The following RDH12 variants were observed in gnomAD, a reference collection of about 807,000 sequenced individuals.
RDH12 encodes retinol dehydrogenase 12.
A neutral mutation model predicts 34.0 loss-of-function variants in RDH12; 21 were observed. That is an observed-to-expected ratio of 0.62 (90% CI 0.44 to 0.89). The LOEUF is 0.89. RDH12 is among the 40% of genes least tolerant of loss of function. The pLI is 0.00. For missense variants in RDH12, 394 were observed against 398.6 expected, an observed-to-expected ratio of 0.99 and a Z score of 0.10; for synonymous variants, 198 against 169.9, an observed-to-expected ratio of 1.17 and a Z score of -1.29.
rs751589863 is a variant in RDH12, at chr14:67,729,247, C to A, written c.715C>A (p.Arg239=). 3 of 1,609,924 alleles carry A rather than the reference C, an allele frequency of 1.9e-6. No homozygotes were observed. The highest frequency in any genetic ancestry group is 2.7e-5 in the African/African-American group (2 of 74,904). Residue 239 remains arginine, a synonymous_variant, in exon 8 of 9, where the codon CGG becomes AGG. Transcript: ENST00000551171. ...AGGCGTCGTCCGCTCTGAGCTGGTC[C>A]GGCACTCCTCCCTGCTCTGCCTGCT... The part of the protein sequence containing the change: ...HPGVVRSELV[R]HSSLLCLLWR...
At chr14:67,711,016 A>G (rs956080553) in intron 1 of RDH12, among the ~76,000 whole-genome samples, 1 of 152,194 alleles carries the variant, frequency 6.6e-6, no homozygotes, top group African/African-American at 2.4e-5. Context: ...CTTGCTTTTA[A>G]CCTTCAAACT....
intron 8 of RDH12, among the ~76,000 whole-genome samples, chr14:67,731,207 CTTTTTTTTTTTTT>C (rs71129853): frequency 2.2e-5 from 2 of 90,612 alleles, no homozygotes; most frequent in South Asian, 4.6e-4. Context: ...TTCTTTCTTT[CTTTTTTTTTTTTT>C]TTTTTTTTTT....
In RDH12 at chr14:67,722,445, G is replaced by A. The variant is rs1010645994; in HGVS notation, c.-198G>A. On this transcript the variant is annotated 5_prime_UTR_variant, in exon 3 of 9. In the 5' UTR this introduces an upstream ATG that the reference lacks. Coordinates refer to ENST00000551171, the MANE Select transcript of RDH12 (RefSeq NM_152443.3). ...CCAGGACTACATCTCCCAGCAGGCT[G>A]TGCTCTGACAGCTCTTGGATTTAAA... is the stretch of plus-strand genomic sequence containing the variant. 5 of 660,390 alleles carry A rather than the reference G, an allele frequency of 7.6e-6. No individual in the cohort carries two copies. Among genetic ancestry groups the A allele is most frequent in the Admixed American group, 2.2e-5 (1 of 44,646 alleles). The allele number at this position is 660,390 out of a possible 1,614,324, so 40.9% of individuals were successfully genotyped here.
intron 3 of RDH12, among the ~76,000 whole-genome samples, chr14:67,723,776 A>T (rs147792879): frequency 8.5e-5 from 13 of 152,366 alleles, no homozygotes; most frequent in African/African-American, 2.9e-4. Flanking sequence ...GATGTGCAGG[A>T]AATGTTAGTT....
At chr14:67,716,051 GC>G (rs1172392998) in intron 1 of RDH12, among the ~76,000 whole-genome samples, 1 of 152,068 alleles carries the variant, frequency 6.6e-6, no homozygotes. Context: ...AAAAAAATTA[GC>G]CGGGGGTGGT....
intron 1 of RDH12, among the ~76,000 whole-genome samples, chr14:67,711,457 A>G (rs1174885338): frequency 6.6e-6 from 1 of 152,218 alleles, no homozygotes; most frequent in East Asian, 1.9e-4. Context: ...AGTTACATGA[A>G]CTTGAAAAAG....
intron 1 of RDH12, among the ~76,000 whole-genome samples, chr14:67,706,489 G>T (rs2037951808): frequency 6.6e-6 from 1 of 152,194 alleles, no homozygotes; most frequent in Non-Finnish European, 1.5e-5. Flanking sequence ...TCAACATATG[G>T]AAAATGAACA....
At chr14:67,724,726 A>C in intron 4 of RDH12, 135 bp downstream of exon 4, 1 of 741,760 alleles carries the variant, frequency 1.3e-6, no homozygotes, top group Non-Finnish European at 2.4e-6. Context: ...CCTGGGATTC[A>C]AGTCCAACTG....
chr14:67,720,170 T>C (rs185583183), intron 1 of RDH12, among the ~76,000 whole-genome samples: 3 of 152,358 alleles, frequency 2.0e-5, no homozygotes, highest in Non-Finnish European at 4.4e-5. Context: ...GCATCTCTCA[T>C]ATGAGTGAGG....
At chr14:67,719,471 AT>A (rs1210252262) in intron 1 of RDH12, among the ~76,000 whole-genome samples, 2 of 151,606 alleles carry the variant, frequency 1.3e-5, no homozygotes, top group Admixed American at 6.6e-5. Flanking sequence ...AAGTTTATTT[AT>A]TTTTTCTTTT....
At chr14:67,702,090 A>G (rs2037905934) in intron 1 of RDH12, among the ~76,000 whole-genome samples, 155 bp downstream of exon 1, 1 of 152,108 alleles carries the variant, frequency 6.6e-6, no homozygotes, top group Admixed American at 6.5e-5. Context: ...GCATTAGGAT[A>G]ACAGTCATGA....
At chr14:67,731,140 A>T (rs934181447) in intron 8 of RDH12, among the ~76,000 whole-genome samples, 2 of 151,112 alleles carry the variant, frequency 1.3e-5, no homozygotes, top group East Asian at 3.9e-4. Flanking sequence ...TTTTAAATGT[A>T]GCTGCTAGAA....
intron 8 of RDH12, among the ~76,000 whole-genome samples, chr14:67,732,163 G>T (rs1340868195): frequency 6.7e-6 from 1 of 149,802 alleles, no homozygotes; most frequent in African/African-American, 2.5e-5. Context: ...AAGGCTGGGT[G>T]TGGCGGCTCA....
chr14:67,702,610 T>TA (rs2037910944), intron 1 of RDH12, among the ~76,000 whole-genome samples: 5 of 152,234 alleles, frequency 3.3e-5, no homozygotes, highest in African/African-American at 9.6e-5. Context: ...ATTTTACTAA[T>TA]AATTTTAAAG....
intron 1 of RDH12, among the ~76,000 whole-genome samples, chr14:67,718,903 C>A (rs1875074573): frequency 6.6e-6 from 1 of 152,158 alleles, no homozygotes; most frequent in Non-Finnish European, 1.5e-5. Flanking sequence ...CAAAGATAAA[C>A]ATGTAAGTTG....
intron 8 of RDH12, among the ~76,000 whole-genome samples, chr14:67,732,490 GAGAA>G (rs1354084052): frequency 7.4e-6 from 1 of 134,474 alleles, no homozygotes; most frequent in African/African-American, 2.7e-5. Flanking sequence ...TTATGTAAGA[GAGAA>G]AGAGAGAGAG....
chr14:67,713,355 A>G (rs1247642473), intron 1 of RDH12, among the ~76,000 whole-genome samples: 2 of 148,290 alleles, frequency 1.3e-5, no homozygotes, highest in African/African-American at 2.5e-5. Context: ...TCGTCATGGA[A>G]GCAGAAAAAC....
intron 7 of RDH12, chr14:67,727,479 T>G (rs562019416): frequency 0.021 from 7,356 of 346,166 alleles, 174 homozygotes; most frequent in Non-Finnish European, 0.03. Flanking sequence ...GCTTTTTGTT[T>G]TTTTTGTTTT....
chr14:67,713,643 A>T (rs1447329381), intron 1 of RDH12, among the ~76,000 whole-genome samples: 2 of 152,168 alleles, frequency 1.3e-5, no homozygotes, highest in East Asian at 3.9e-4. Context: ...AAACCCAGAA[A>T]ATTTGAGACA....
Sources: gnomAD v4.1 joint callset for allele counts (sites outside exome capture counted in the v4.1 genomes callset) on GRCh38, gnomAD v4.1.1 for gene constraint, MANE v1.5 for transcripts, NCBI Gene and HGNC (gene_info 2026-07-23, HGNC 2026-07-21) for gene names.